The following ASAP3 variants were observed in gnomAD, a reference collection of about 807,000 sequenced individuals.
ASAP3 encodes the protein ArfGAP with SH3 domain, ankyrin repeat and PH domain 3, also known as arf-GAP with SH3 domain, ANK repeat and PH domain-containing protein 3.
In ASAP3, 85 loss-of-function variants were observed where a neutral mutation model predicts 118.2. The ratio of observed to expected loss-of-function variants is 0.72; its 90% confidence interval spans 0.60 to 0.86. The LOEUF (loss-of-function observed/expected upper bound fraction) is 0.86, where lower values mean the gene tolerates loss of function less well. Among genes scored for constraint, ASAP3 ranks in the 40% least tolerant of loss-of-function variants. The probability of loss-of-function intolerance (pLI) is 0.00; values close to 1 mark genes in which losing one functional copy is unlikely to be tolerated. For missense variants in ASAP3, 1,026 were observed against 1,175.0 expected, an observed-to-expected ratio of 0.87 and a Z score of 1.85; for synonymous variants, 432 against 477.4, an observed-to-expected ratio of 0.90 and a Z score of 1.24.
intron 1 of ASAP3, among the ~76,000 whole-genome samples, chr1:23,460,588 A>G (rs1472702754): frequency 6.6e-6 from 1 of 152,108 alleles, no homozygotes; most frequent in Non-Finnish European, 1.5e-5. Flanking sequence ...ACAAATACTG[A>G]CAAAGATGTG....
intron 1 of ASAP3, among the ~76,000 whole-genome samples, chr1:23,476,490 C>T (rs905072465): frequency 1.3e-5 from 2 of 150,230 alleles, no homozygotes; most frequent in African/African-American, 2.5e-5. Flanking sequence ...AACCACAACC[C>T]GATCCACACC....
intron 23 of ASAP3, 131 bp downstream of exon 23, chr1:23,431,565 C>T (rs1640431391): frequency 2.2e-6 from 2 of 892,236 alleles, no homozygotes; most frequent in Non-Finnish European, 3.3e-6. Flanking sequence ...AGCATTTCTG[C>T]ATAAGTGATG....
In ASAP3 at chr1:23,437,841, T is replaced by C. The variant is rs1640733251; in HGVS notation, c.1103-369A>G. On this transcript the variant is annotated intron_variant, in intron 12 of 24. Coordinates refer to ENST00000336689, the MANE Select transcript of ASAP3 (RefSeq NM_017707.4). The surrounding 1 kb of genome is among the most constrained non-coding windows in gnomAD (Gnocchi z 6.1). ...TCCTCCTGGGCGACCAGGCCTCCTG[T>C]CTGGTCTCCCTGCTTCCCATTTCCC... is the stretch of plus-strand genomic sequence containing the variant. 1.3e-5 allele frequency among the ~76,000 whole-genome samples: 2 copies of C among 152,114 alleles called. No individual in the cohort carries two copies.
intron 1 of ASAP3, among the ~76,000 whole-genome samples, chr1:23,478,742 A>G (rs1410739621): frequency 1.3e-5 from 2 of 152,134 alleles, no homozygotes; most frequent in African/African-American, 4.8e-5. Flanking sequence ...CCTGCATGAC[A>G]GAGTGAGACT....
intron 1 of ASAP3, among the ~76,000 whole-genome samples, chr1:23,470,384 G>C (rs533084670): frequency 6.6e-6 from 1 of 152,328 alleles, no homozygotes; most frequent in East Asian, 1.9e-4. Flanking sequence ...GAGGAGGGCA[G>C]TGCTCTTCCC....
intron 4 of ASAP3, among the ~76,000 whole-genome samples, chr1:23,452,000 A>C (rs1427775820): frequency 6.6e-6 from 1 of 152,180 alleles, no homozygotes; most frequent in Non-Finnish European, 1.5e-5. Flanking sequence ...GAGGTTGAGA[A>C]GTCTACCCCA....
chr1:23,451,493 G>A lies in ASAP3; in HGVS notation c.459C>T (p.Asp153=), dbSNP rs749219720. The change falls in exon 5 of 25, where the codon GAC becomes GAT. Residue 153 remains aspartate (D), a synonymous_variant. Coordinates refer to ENST00000336689, the MANE Select transcript of ASAP3 (RefSeq NM_017707.4). The part of the protein sequence containing the change: ...SKKQLEKAWK[D]YEAKMAKLEK... ...TGGCCACTTACATTTTGGCTTCATA[G>A]TCCTTCCATGCCTTCTCCAGCTGTT... The A allele has an allele frequency of 1.9e-6, 3 of 1,614,080 alleles. No individual in the cohort carries two copies. Among genetic ancestry groups the A allele is most frequent in the African/African-American group, 2.7e-5 (2 of 74,920 alleles).
At position 23,436,813 on chromosome 1, in the gene ASAP3, C is replaced by T. The variant is rs1269792929; in HGVS notation, c.1476+98G>A. On this transcript the variant is annotated intron_variant, in intron 15 of 24. Transcript: ENST00000336689. The surrounding 1 kb of genome is among the most constrained non-coding windows in gnomAD (Gnocchi z 4.2). ...CTACCTGGCTTGTCCCAGCCCACCT[C>T]GGCCAGGTCCCACCCACAACCTGCA... 4.5e-6 allele frequency: 7 copies of T among 1,550,080 alleles called. No homozygotes were observed. Among genetic ancestry groups the T allele is most frequent in the East Asian group, 2.3e-5 (1 of 43,688 alleles).
In ASAP3 at chr1:23,454,475, C is replaced by T. The variant is rs184171708; in HGVS notation, c.348+1406G>A. Among the ~76,000 whole-genome samples the T allele has an allele frequency of 3.3e-3, 508 of 152,212 alleles. 10 individuals carry two copies. The highest frequency in any genetic ancestry group is 1.3e-3 in the Non-Finnish European group (87 of 68,008). On this transcript the variant is annotated intron_variant, in intron 3 of 24. Coordinates refer to ENST00000336689, the MANE Select transcript of ASAP3 (RefSeq NM_017707.4). The stretch of plus-strand genomic sequence containing the variant: ...TGCTGGGATTACAGGCGTGAGCCAC[C>T]GCACCCGGCAATTTTCATACTTTTG...
rs773675580 is a variant in ASAP3 at position 23,455,834 on chromosome 1, C to T, written c.348+47G>A. On this transcript the variant is annotated intron_variant, in intron 3 of 24. Transcript: ENST00000336689. ...CCTTTCCCAGTCAGGTTCTTAAGACCACTAGATTTACCCTGAGTCTGGGCA... is the reference window on the plus strand; with the variant it reads ...CCTTTCCCAGTCAGGTTCTTAAGACTACTAGATTTACCCTGAGTCTGGGCA... 7 of 1,608,218 alleles carry T rather than the reference C, an allele frequency of 4.4e-6. No homozygotes were observed. The South Asian group carries it at 6.6e-5, about 15-fold the overall frequency.
intron 21 of ASAP3, 32 bp downstream of exon 21, chr1:23,433,393 C>T (rs767977946): frequency 6.2e-7 from 1 of 1,613,922 alleles, no homozygotes; most frequent in Non-Finnish European, 8.5e-7. Context: ...CTTCTGCCAT[C>T]CAGAGGCCTG....
Position 23,434,535 on chromosome 1 carries a change from G to A in ASAP3, c.1833C>T (p.Asn611=), listed in dbSNP as rs74415268. ...SLPLVDFIIQ[N]GGHLDAKAAD... is the part of the protein sequence containing the mutation. ...CAGACAGGCAGGGAGGCTCTCACCC[G>A]TTCTGGATGATGAAATCCACCAGAG... The change falls in exon 18 of 25, where the codon AAC becomes AAT. Residue 611 remains asparagine, a splice_region_variant and synonymous_variant. Transcript: ENST00000336689. 0.042 allele frequency: 67,938 copies of A among 1,613,980 alleles called. 1,666 individuals are homozygous for A. The highest frequency in any genetic ancestry group is 0.1 in the Middle Eastern group (608 of 6,062).
chr1:23,442,301 T>G (rs771668246), intron 6 of ASAP3, 30 bp from the exon 7 acceptor site: 1 of 1,589,410 alleles, frequency 6.3e-7, no homozygotes, highest in South Asian at 1.1e-5. Context: ...AGATACGTGA[T>G]GTGAGCTGAA....
intron 5 of ASAP3, among the ~76,000 whole-genome samples, chr1:23,450,921 C>T (rs964712599): frequency 3.3e-5 from 5 of 152,170 alleles, no homozygotes; most frequent in African/African-American, 4.8e-5. Context: ...TCCTTCTTTC[C>T]CCATGATGTC....
rs368265724 is a variant in ASAP3 at position 23,483,286 on chromosome 1, G to A, written c.129+719C>T. On this transcript the variant is annotated intron_variant, in intron 1 of 24. Transcript: ENST00000336689. ...CTCCGTTGGACCAAGGCCACGGGGT[G>A]TCTGTCCTAGAATATTCTTTGCAGA... Among the ~76,000 whole-genome samples the A allele has an allele frequency of 6.6e-4, 101 of 152,376 alleles. No individual in the cohort carries two copies. The South Asian group carries it at 0.012, about 18-fold the overall frequency.
intron 4 of ASAP3, among the ~76,000 whole-genome samples, 155 bp downstream of exon 4, chr1:23,452,542 C>T (rs939462797): frequency 6.6e-6 from 1 of 151,894 alleles, no homozygotes; most frequent in Non-Finnish European, 1.5e-5. Flanking sequence ...TAGGCTGACC[C>T]GAGCCAGGTC....
chr1:23,442,002 G>A (rs1640888581), intron 7 of ASAP3, among the ~76,000 whole-genome samples, 184 bp downstream of exon 7: 1 of 152,162 alleles, frequency 6.6e-6, no homozygotes, highest in South Asian at 2.1e-4. Context: ...TTGGGGAATT[G>A]AGCGAATTGA....
At position 23,484,007 on chromosome 1, in the gene ASAP3, C is replaced by A; in HGVS notation, c.127G>T (p.Glu43Ter). The A allele has an allele frequency of 7.7e-7, 1 of 1,296,500 alleles. No individual in the cohort carries two copies. Among genetic ancestry groups the A allele is most frequent in the Non-Finnish European group, 9.8e-7 (1 of 1,024,206 alleles). 80.3% of individuals were successfully genotyped at this position (1,296,500 alleles called of 1,614,324 possible). A position where few individuals can be genotyped will look rare whatever the true frequency, so the allele number is the denominator to read the frequency against. The change falls in exon 1 of 25, where the codon GAG becomes TAG. Residue 43 changes from glutamate (E) to a stop codon, truncating the protein, a stop_gained and splice_region_variant. Coordinates refer to ENST00000336689, the MANE Select transcript of ASAP3 (RefSeq NM_017707.4). LOFTEE classifies it high-confidence loss of function. ...CCCTCCCGCCTCGGCCCCCTCACCTCCTCCCGCGCCAGCGCCGCCCCTCGG... is the reference window on the plus strand; with the variant it reads ...CCCTCCCGCCTCGGCCCCCTCACCTACTCCCGCGCCAGCGCCGCCCCTCGG... ...RYRGAALARE[E>*]ILEGDQAILQ...
intron 22 of ASAP3, 116 bp downstream of exon 22, chr1:23,432,961 T>C: frequency 8.5e-7 from 1 of 1,181,760 alleles, no homozygotes; most frequent in Admixed American, 2.5e-5. Context: ...AACCCCTTCC[T>C]GGGAGGTCAT....
Sources: gnomAD v4.1 joint callset for allele counts (sites outside exome capture counted in the v4.1 genomes callset) on GRCh38, gnomAD v4.1.1 for gene constraint, Gnocchi (gnomAD v3.1) non-coding constraint, MANE v1.5 for transcripts, NCBI Gene and HGNC (gene_info 2026-07-23, HGNC 2026-07-21) for gene names.